The following KRIT1 variants were observed in gnomAD, a reference collection of about 807,000 sequenced individuals.
KRIT1 encodes the protein KRIT1 ankyrin repeat containing.
KRIT1 carries 45 observed loss-of-function variants against 95.8 expected under a neutral mutation model. The observed-to-expected ratio is 0.47, with a 90% confidence interval of 0.37 to 0.60. KRIT1 has a LOEUF of 0.60. Ranked by LOEUF, KRIT1 falls within the 20% of genes least tolerant of loss-of-function variation. The pLI, the probability that KRIT1 is intolerant of heterozygous loss-of-function variation, is 0.00. For missense variants in KRIT1, 788 were observed against 877.5 expected, an observed-to-expected ratio of 0.90 and a Z score of 1.29; for synonymous variants, 282 against 278.8, an observed-to-expected ratio of 1.01 and a Z score of -0.11.
intron 12 of KRIT1, 40 bp downstream of exon 12, chr7:92,225,680 A>C (rs375389420): frequency 2.5e-5 from 27 of 1,081,868 alleles, no homozygotes; most frequent in Non-Finnish European, 3.9e-5. Flanking sequence ...TTATTAATTT[A>C]AATACTATGC....
chr7:92,201,411 T>C lies in KRIT1; in HGVS notation c.2038A>G (p.Ser680Gly), dbSNP rs1043857958. 1 of 1,527,816 alleles carries C rather than the reference T, an allele frequency of 6.5e-7. No individual in the cohort carries two copies. Among genetic ancestry groups the C allele is most frequent in the Non-Finnish European group, 9.1e-7 (1 of 1,101,494 alleles). The allele number at this position is 1,527,816 out of a possible 1,614,324, so 94.6% of individuals were successfully genotyped here. ...CACATAAAACAACCATACTTAAGACTGATGAGTAAAGCCTGCAACATAATT... is the reference window on the plus strand; with the variant it reads ...CACATAAAACAACCATACTTAAGACCGATGAGTAAAGCCTGCAACATAATT... Reference protein sequence around the residue: ...LNMETKALLISLKYGCFMWQL... With the variant: ...LNMETKALLIGLKYGCFMWQL... The change falls in exon 18 of 19, where the codon AGT becomes GGT. Residue 680 changes from serine (S) to glycine (G), a missense_variant. This residue lies in a region of KRIT1 where 493 missense variants were observed against 582.3 expected (regional missense o/e 0.85). Coordinates refer to ENST00000394505, the MANE Select transcript of KRIT1 (RefSeq NM_194454.3).
chr7:92,237,118 G>A (rs1198136534), intron 6 of KRIT1, among the ~76,000 whole-genome samples: 3 of 152,140 alleles, frequency 2.0e-5, no homozygotes, highest in Non-Finnish European at 2.9e-5. Flanking sequence ...AAAGATTAAA[G>A]AGGAGATTTG....
intron 10 of KRIT1, among the ~76,000 whole-genome samples, chr7:92,229,332 A>G (rs895870242): frequency 1.3e-5 from 2 of 152,228 alleles, no homozygotes; most frequent in African/African-American, 2.4e-5. Context: ...CTGCACAGCA[A>G]AAGAAACTAT....
At chr7:92,239,405 G>A (rs747429448) in intron 5 of KRIT1, among the ~76,000 whole-genome samples, 62 of 152,154 alleles carry the variant, frequency 4.1e-4, no homozygotes, top group Non-Finnish European at 8.1e-4. Flanking sequence ...TTAGATTTCT[G>A]TCTCAGGGAT....
chr7:92,211,355 A>G (rs1211315273), intron 17 of KRIT1, among the ~76,000 whole-genome samples: 1 of 152,206 alleles, frequency 6.6e-6, no homozygotes, highest in Non-Finnish European at 1.5e-5. Context: ...AAAGAATGAA[A>G]TCTTGCATTC....
At chr7:92,210,178 A>T (rs989352664) in intron 17 of KRIT1, among the ~76,000 whole-genome samples, 15 of 152,196 alleles carry the variant, frequency 9.9e-5, no homozygotes, top group African/African-American at 3.1e-4. Context: ...CTTTACAGAA[A>T]TAAAAAAAAA....
rs561400066 is a variant in KRIT1, at chr7:92,216,908, C to T, written c.1564-2131G>A. ...AGTTTTAGTCACCATTTTTTCGTTT[C>T]TAATGAAATCAGGATGTTTTCATCC... On this transcript the variant is annotated intron_variant, in intron 14 of 18. Coordinates refer to ENST00000394505, the MANE Select transcript of KRIT1 (RefSeq NM_194454.3). Among the ~76,000 whole-genome samples, 9 of 152,044 alleles carry T rather than the reference C, an allele frequency of 5.9e-5. No individual in the cohort carries two copies. In the South Asian group the frequency reaches 1.9e-3, roughly 32 times the overall value.
At chr7:92,241,200 G>T (rs1799559866) in intron 4 of KRIT1, 48 bp from the exon 5 acceptor site, 3 of 1,337,374 alleles carry the variant, frequency 2.2e-6, no homozygotes, top group East Asian at 4.7e-5. Flanking sequence ...AAGTCTACTT[G>T]CCCTAGAATA....
At chr7:92,207,391 A>G (rs1791787598) in intron 17 of KRIT1, among the ~76,000 whole-genome samples, 1 of 152,020 alleles carries the variant, frequency 6.6e-6, no homozygotes, top group African/African-American at 2.4e-5. Context: ...AAAAAGCTTT[A>G]TATTAGGTTG....
chr7:92,214,662 T>G lies in KRIT1; in HGVS notation c.1679A>C (p.Gln560Pro). Residue 560 changes from glutamine to proline, a missense_variant, in exon 15 of 19, where the codon CAA becomes CCA. Around this residue, in one of 3 missense-constraint regions of KRIT1, gnomAD observed 493 missense variants for 582.3 expected, o/e 0.85. Transcript: ENST00000394505. ...KLITLASLLL[Q>P]IVYGNYESKK... ...ACTCTCATAATTTCCATAGACTATTTGCAAAAGCAGACTTGCCAATGTTAT... is the reference window on the plus strand; with the variant it reads ...ACTCTCATAATTTCCATAGACTATTGGCAAAAGCAGACTTGCCAATGTTAT... 6.2e-7 allele frequency: 1 copy of G among 1,613,118 alleles called. No individual in the cohort carries two copies. The highest frequency in any genetic ancestry group is 1.1e-5 in the South Asian group (1 of 91,070).
chr7:92,208,664 G>T (rs975050092), intron 17 of KRIT1, among the ~76,000 whole-genome samples: 1 of 151,706 alleles, frequency 6.6e-6, no homozygotes, highest in Non-Finnish European at 1.5e-5. Context: ...GAACCAGGAA[G>T]GAAAAGAAAA....
rs1798070434 is a variant in KRIT1, at chr7:92,234,881, G to A, written c.772C>T (p.Pro258Ser). The A allele has an allele frequency of 1.2e-6, 2 of 1,605,114 alleles. No individual in the cohort carries two copies. Among genetic ancestry groups the A allele is most frequent in the South Asian group, 2.2e-5 (2 of 90,892 alleles). Residue 258 changes from proline to serine, a missense_variant, in exon 9 of 19, where the codon CCA (proline) becomes TCA (serine). Physicochemically the swap from Pro to Ser is moderately conservative, Grantham distance 74. Coordinates refer to ENST00000394505, the MANE Select transcript of KRIT1 (RefSeq NM_194454.3). The part of the protein sequence containing the change: ...VINPYFGLGA[P>S]DYSKIQIPKQ... Reference sequence around the variant, plus strand: ...GGTATTTGGATTTTTGAGTAGTCTGGAGCTCCTAGACCAAAGTATGGATTT... The same window carrying A: ...GGTATTTGGATTTTTGAGTAGTCTGAAGCTCCTAGACCAAAGTATGGATTT...
rs185334278 is a variant in KRIT1 at position 92,200,594 on chromosome 7, C to T, written c.*142G>A. ...TCTTGAACTCTGACTTCAGGTGATC[C>T]GCCTGCCCCAGCCTCCCAAAGTGCT... On this transcript the variant is annotated 3_prime_UTR_variant, in exon 19 of 19. Coordinates refer to ENST00000394505, the MANE Select transcript of KRIT1 (RefSeq NM_194454.3). 60 of 682,268 alleles carry T rather than the reference C, an allele frequency of 8.8e-5. No individual in the cohort carries two copies. The highest frequency in any genetic ancestry group is 2.5e-4 in the African/African-American group (14 of 56,456). The allele number at this position is 682,268 out of a possible 1,614,324, so 42.3% of individuals were successfully genotyped here.
intron 17 of KRIT1, among the ~76,000 whole-genome samples, chr7:92,209,753 G>A (rs1385476169): frequency 6.6e-6 from 1 of 152,106 alleles, no homozygotes; most frequent in African/African-American, 2.4e-5. Context: ...TGGATTGGAA[G>A]AGTTAATATT....
intron 5 of KRIT1, among the ~76,000 whole-genome samples, chr7:92,239,443 A>G (rs532694244): frequency 3.9e-5 from 6 of 152,346 alleles, no homozygotes; most frequent in East Asian, 1.9e-4. Context: ...GCTGATAACT[A>G]TAACAATCTG....
Position 92,240,087 on chromosome 7 carries a change from TA to T in KRIT1, c.262+905del, listed in dbSNP as rs572507174. 9.9e-5 allele frequency among the ~76,000 whole-genome samples: 15 copies of T among 152,156 alleles called. No homozygotes were observed. The East Asian group carries it at 2.9e-3, about 29-fold the overall frequency. On this transcript the variant is annotated intron_variant, in intron 5 of 18. Coordinates refer to ENST00000394505, the MANE Select transcript of KRIT1 (RefSeq NM_194454.3). ...CCCACAAAAACTCTTCAGGCTCTATTAGGGGAAGAAACCTATCAGGGAGCTA... is the reference window on the plus strand; with the variant it reads ...CCCACAAAAACTCTTCAGGCTCTATTGGGGAAGAAACCTATCAGGGAGCTA...
chr7:92,242,083 T>C lies in KRIT1; in HGVS notation c.53A>G (p.Lys18Arg). ...CCGAGAATTGAGACTGGCAGTATTC[T>C]TTGGACGAATAACAGCAACATATGC... ...EDAYVAVIRPKNTASLNSREY... is the reference protein window; with the variant it reads ...EDAYVAVIRPRNTASLNSREY... The change falls in exon 4 of 19, where the codon AAG becomes AGG. Residue 18 changes from lysine to arginine, a missense_variant. Lys to Arg is a conservative substitution (Grantham distance 26). Coordinates refer to ENST00000394505, the MANE Select transcript of KRIT1 (RefSeq NM_194454.3). The C allele has an allele frequency of 6.2e-7, 1 of 1,604,892 alleles. No individual in the cohort carries two copies. Among genetic ancestry groups the C allele is most frequent in the Non-Finnish European group, 8.5e-7 (1 of 1,171,832 alleles).
At chr7:92,230,993 T>C (rs1011040924) in intron 10 of KRIT1, among the ~76,000 whole-genome samples, 7 of 152,070 alleles carry the variant, frequency 4.6e-5, no homozygotes, top group Non-Finnish European at 1.0e-4. Context: ...CCAAGTGAAA[T>C]TGGATGAAAT....
rs762240115 is a variant in KRIT1, at chr7:92,225,802, G to T, written c.1172C>A (p.Ser391Tyr). The part of the protein sequence containing the change: ...DRHITDQQGR[S>Y]PLNICEENKQ... ...GTTTTCTTCACAAATATTTAATGGA[G>T]ATCTTCCTTGTTGGTCTGTTATATG... The change falls in exon 12 of 19, where the codon TCT (serine) becomes TAT (tyrosine). Residue 391 changes from serine (S) to tyrosine (Y), a missense_variant. This residue lies in a region of KRIT1 where 493 missense variants were observed against 582.3 expected (regional missense o/e 0.85). Coordinates refer to ENST00000394505, the MANE Select transcript of KRIT1 (RefSeq NM_194454.3). 3 of 1,607,054 alleles carry T rather than the reference G, an allele frequency of 1.9e-6. No homozygotes were observed. The highest frequency in any genetic ancestry group is 2.6e-6 in the Non-Finnish European group (3 of 1,173,918).
Sources: gnomAD v4.1 joint callset for allele counts (sites outside exome capture counted in the v4.1 genomes callset) on GRCh38, gnomAD v4.1.1 for gene constraint, gnomAD v4.1.1 regional missense constraint, MANE v1.5 for transcripts, NCBI Gene and HGNC (gene_info 2026-07-23, HGNC 2026-07-21) for gene names.